The following IGHMBP2 variants were observed in gnomAD, a reference collection of about 807,000 sequenced individuals.
IGHMBP2 encodes the protein immunoglobulin mu DNA binding protein 2, also known as DNA-binding protein SMUBP-2.
Under a neutral mutation model 96.0 loss-of-function variants are expected in IGHMBP2, and 81 were observed. That is an observed-to-expected ratio of 0.84 (90% CI 0.71 to 1.01). IGHMBP2 has a LOEUF of 1.01. Ranked by LOEUF, IGHMBP2 falls within the 50% of genes least tolerant of loss-of-function variation. The pLI, the probability that IGHMBP2 is intolerant of heterozygous loss-of-function variation, is 0.00. For synonymous variants in IGHMBP2, 557 were observed against 548.9 expected, an observed-to-expected ratio of 1.01 and a Z score of -0.21; for missense variants, 1,227 against 1,306.3, an observed-to-expected ratio of 0.94 and a Z score of 0.94.
intron 8 of IGHMBP2, among the ~76,000 whole-genome samples, chr11:68,931,243 G>T (rs1170183063): frequency 6.6e-6 from 1 of 152,184 alleles, no homozygotes; most frequent in Non-Finnish European, 1.5e-5. Context: ...ACCCTGCAGG[G>T]ATGGTGTGGG....
chr11:68,927,405 C>T (rs1045174910), intron 7 of IGHMBP2, among the ~76,000 whole-genome samples: 1 of 152,202 alleles, frequency 6.6e-6, no homozygotes, highest in African/African-American at 2.4e-5. Context: ...TGTGTGTGTG[C>T]TTGGGCACAC....
At chr11:68,929,678 G>A (rs1340456308) in intron 8 of IGHMBP2, 4 of 940,594 alleles carry the variant, frequency 4.3e-6, no homozygotes, top group Non-Finnish European at 5.1e-6. Flanking sequence ...ATGGTAGAGT[G>A]CCGTGAGAGC....
At position 68,936,374 on chromosome 11, in the gene IGHMBP2, C is replaced by A; in HGVS notation, c.1894C>A (p.Gln632Lys). The change falls in exon 13 of 15, where the codon CAG becomes AAG. Residue 632 changes from glutamine (Q) to lysine (K), a missense_variant. Physicochemically the swap from Gln to Lys is moderately conservative, Grantham distance 53. Transcript: ENST00000255078. ...GAAGACCCTGGTGGAGTATTTCACA[C>A]AGCATGGGGAAGTACGCACGGCCTT... ...FLKTLVEYFT[Q>K]HGEVRTAFEY... The A allele has an allele frequency of 6.2e-7, 1 of 1,614,212 alleles. No individual in the cohort carries two copies. Among genetic ancestry groups the A allele is most frequent in the South Asian group, 1.1e-5 (1 of 91,086 alleles).
intron 7 of IGHMBP2, among the ~76,000 whole-genome samples, chr11:68,918,455 A>G (rs2154007523): frequency 6.6e-6 from 1 of 152,144 alleles, no homozygotes; most frequent in Non-Finnish European, 1.5e-5. Flanking sequence ...CTGCCTAGCC[A>G]ACATGGTGAA....
intron 8 of IGHMBP2, chr11:68,930,403 C>T: frequency 7.8e-7 from 1 of 1,289,734 alleles, no homozygotes; most frequent in African/African-American, 1.5e-5. Flanking sequence ...AGAATCTCAT[C>T]ACAGGGGCGT....
At chr11:68,932,993 C>T (rs777548065) in intron 8 of IGHMBP2, 4 of 483,740 alleles carry the variant, frequency 8.3e-6, no homozygotes, top group Non-Finnish European at 1.1e-5. Flanking sequence ...CGCATGCCCC[C>T]TTATAAGACC....
rs1555241972 is a variant in IGHMBP2, at chr11:68,904,803, C to CTTTTTT, written c.86+774_86+779dup. Among the ~76,000 whole-genome samples, 53 of 120,984 alleles carry CTTTTTT rather than the reference C, an allele frequency of 4.4e-4. No homozygotes were observed. The East Asian group carries it at 0.01, about 24-fold the overall frequency. 79.4% of individuals were successfully genotyped at this position (120,984 alleles called of 152,430 possible). ...GTGTAAGTTTCTTTTTTTTCTTTTTCTTTTTTTTTTTTTTAGACAGAGTCT... is the reference window on the plus strand; with the variant it reads ...GTGTAAGTTTCTTTTTTTTCTTTTTCTTTTTTTTTTTTTTTTTTTTAGACAGAGTCT... On this transcript the variant is annotated intron_variant, in intron 1 of 14. Coordinates refer to ENST00000255078, the MANE Select transcript of IGHMBP2 (RefSeq NM_002180.3).
intron 5 of IGHMBP2, among the ~76,000 whole-genome samples, chr11:68,913,457 ACT>A (rs1049188266): frequency 2.7e-5 from 4 of 148,984 alleles, no homozygotes; most frequent in African/African-American, 7.4e-5. Flanking sequence ...GCCTGTAGAG[ACT>A]CTGCCTCCTC....
intron 7 of IGHMBP2, among the ~76,000 whole-genome samples, chr11:68,926,568 T>C (rs1859079158): frequency 6.6e-6 from 1 of 152,056 alleles, no homozygotes; most frequent in African/African-American, 2.4e-5. Context: ...CATGCCAGCC[T>C]CTGTGTGGTA....
Position 68,911,536 on chromosome 11 carries a change from C to G in IGHMBP2, c.644C>G (p.Pro215Arg), listed in dbSNP as rs752135303. 3.1e-6 allele frequency: 5 copies of G among 1,614,098 alleles called. No individual in the cohort carries two copies. The highest frequency in any genetic ancestry group is 2.2e-5 in the South Asian group (2 of 91,090). Residue 215 changes from proline (P) to arginine (R), a missense_variant, in exon 5 of 15, where the codon CCT becomes CGT. By Grantham distance (103) the Pro-to-Arg change is moderately radical. Around this residue, in one of 3 missense-constraint regions of IGHMBP2, gnomAD observed 507 missense variants for 496.9 expected, o/e 1.02. Coordinates refer to ENST00000255078, the MANE Select transcript of IGHMBP2 (RefSeq NM_002180.3). Reference protein sequence around the residue: ...SQKELAIIHGPPGTGKTTTVV... With the variant: ...SQKELAIIHGRPGTGKTTTVV... ...AAAGAACTTGCCATCATCCATGGAC[C>G]TCCTGGCACTGGGAAAACCACGACT...
intron 10 of IGHMBP2, 44 bp downstream of exon 10, chr11:68,933,957 C>T: frequency 7.8e-7 from 1 of 1,278,102 alleles, no homozygotes; most frequent in East Asian, 2.5e-5. Flanking sequence ...TTAAACATAC[C>T]TCCAGCTCTT....
At chr11:68,937,144 C>T (rs1859579089) in intron 13 of IGHMBP2, 53 bp downstream of exon 13, 4 of 1,592,106 alleles carry the variant, frequency 2.5e-6, no homozygotes, top group African/African-American at 2.7e-5. Flanking sequence ...GGGTGCTGGC[C>T]CCACTTGGAG....
intron 8 of IGHMBP2, 141 bp downstream of exon 8, chr11:68,929,498 A>G: frequency 2.4e-6 from 2 of 821,640 alleles, no homozygotes; most frequent in South Asian, 1.7e-5. Flanking sequence ...CCCGTCTTAC[A>G]GCATTCATTC....
chr11:68,931,147 C>T (rs1373399603), intron 8 of IGHMBP2, among the ~76,000 whole-genome samples: 1 of 152,184 alleles, frequency 6.6e-6, no homozygotes, highest in Non-Finnish European at 1.5e-5. Context: ...CATTCATGGC[C>T]CTGGGGCTTG....
At chr11:68,921,463 G>T (rs1216750715) in intron 7 of IGHMBP2, among the ~76,000 whole-genome samples, 1 of 151,976 alleles carries the variant, frequency 6.6e-6, no homozygotes, top group Non-Finnish European at 1.5e-5. Flanking sequence ...GTTACTTTAG[G>T]CCTTACAGTA....
chr11:68,930,438 T>G (rs928697803), intron 8 of IGHMBP2: 3 of 1,289,178 alleles, frequency 2.3e-6, no homozygotes, highest in Non-Finnish European at 3.0e-6. Context: ...TTGGCGGGTA[T>G]GTAGAGAGAG....
chr11:68,929,872 G>C (rs1050877619), intron 8 of IGHMBP2: 1 of 978,254 alleles, frequency 1.0e-6, no homozygotes, highest in Non-Finnish European at 1.2e-6. Context: ...CTGGAGTCCT[G>C]ATGCGGTGGC....
intron 7 of IGHMBP2, among the ~76,000 whole-genome samples, chr11:68,920,505 C>T (rs926106701): frequency 6.6e-6 from 1 of 152,224 alleles, no homozygotes; most frequent in East Asian, 1.9e-4. Flanking sequence ...ATTTGAGACA[C>T]GGTCTCACTG....
Position 68,906,239 on chromosome 11 carries a change from G to A in IGHMBP2, c.256+1G>A. The A allele has an allele frequency of 6.2e-7, 1 of 1,614,004 alleles. No homozygotes were observed. The highest frequency in any genetic ancestry group is 8.5e-7 in the Non-Finnish European group (1 of 1,179,992). On this transcript the variant is annotated splice_donor_variant, in intron 2 of 14. Transcript: ENST00000255078. LOFTEE classifies it high-confidence loss of function. ...CTTCCCAGTAACAGCTTTACTTCTG[G>A]TGTGTGCGTATTGACCTAGACAGAC...
Sources: allele counts gnomAD v4.1 joint callset (sites outside exome capture counted in the v4.1 genomes callset), GRCh38; gene constraint gnomAD v4.1.1; regional missense constraint gnomAD v4.1.1; transcripts MANE v1.5; gene names NCBI Gene and HGNC (gene_info 2026-07-23, HGNC 2026-07-21).